The following PRKN variants were observed in gnomAD, a reference collection of about 807,000 sequenced individuals.
PRKN encodes the protein E3 ubiquitin-protein ligase parkin.
In PRKN, 56 loss-of-function variants were observed where a neutral mutation model predicts 59.5. That is an observed-to-expected ratio of 0.94 (90% CI 0.76 to 1.18). PRKN has a LOEUF of 1.18. Ranked by LOEUF, PRKN falls within the 50% of genes most tolerant of loss-of-function variation. The probability of loss-of-function intolerance (pLI) is 0.00; values close to 1 mark genes in which losing one functional copy is unlikely to be tolerated. For missense variants in PRKN, 657 were observed against 596.4 expected, an observed-to-expected ratio of 1.10 and a Z score of -1.06; for synonymous variants, 250 against 222.1, an observed-to-expected ratio of 1.13 and a Z score of -1.12.
Position 161,564,273 on chromosome 6 carries a change from G to C in PRKN, c.933+5082C>G, listed in dbSNP as rs117066236. Among the ~76,000 whole-genome samples, 763 of 152,128 alleles carry C rather than the reference G, an allele frequency of 5.0e-3. 2 individuals carry two copies. Among genetic ancestry groups the C allele is most frequent in the Non-Finnish European group, 6.4e-3 (432 of 68,002 alleles). On this transcript the variant is annotated intron_variant, in intron 8 of 11. Coordinates refer to ENST00000366898, the MANE Select transcript of PRKN (RefSeq NM_004562.3). ...TGTCATGAATAATCAGGATATAAAC[G>C]TCCCTGACTGATATGCCCTGTTCAC... is the stretch of plus-strand genomic sequence containing the variant.
At chr6:162,110,937 C>T (rs1475469418) in intron 4 of PRKN, among the ~76,000 whole-genome samples, 7 of 152,120 alleles carry the variant, frequency 4.6e-5, no homozygotes, top group Admixed American at 2.0e-4. Flanking sequence ...ACTGGCCTGA[C>T]GTCTTTAAGT....
intron 7 of PRKN, among the ~76,000 whole-genome samples, chr6:161,720,757 T>C (rs111785159): frequency 7.4e-6 from 1 of 136,004 alleles, no homozygotes; most frequent in Non-Finnish European, 1.6e-5. Flanking sequence ...CATAGGTACT[T>C]TTAAAACTAT....
At chr6:161,734,727 T>C (rs1046625491) in intron 7 of PRKN, among the ~76,000 whole-genome samples, 5 of 152,174 alleles carry the variant, frequency 3.3e-5, no homozygotes, top group African/African-American at 1.2e-4. Flanking sequence ...TTCCAGTGAA[T>C]TGAATAAATC....
intron 9 of PRKN, among the ~76,000 whole-genome samples, chr6:161,520,391 A>AT (rs1020103923): frequency 2.0e-5 from 3 of 151,628 alleles, no homozygotes; most frequent in Non-Finnish European, 2.9e-5. Flanking sequence ...GGCCCGGCTA[A>AT]TTTTTTTTGT....
At chr6:161,731,510 A>G (rs527418914) in intron 7 of PRKN, among the ~76,000 whole-genome samples, 1 of 152,380 alleles carries the variant, frequency 6.6e-6, no homozygotes, top group East Asian at 1.9e-4. Context: ...ATTTAAAAGT[A>G]AAAGTATGTA....
intron 6 of PRKN, among the ~76,000 whole-genome samples, chr6:161,913,724 G>A (rs1411993816): frequency 6.6e-6 from 1 of 152,138 alleles, no homozygotes; most frequent in Non-Finnish European, 1.5e-5. Context: ...AACTGTTATG[G>A]ACTGAATGCT....
At chr6:162,245,238 G>A (rs1415699476) in intron 3 of PRKN, among the ~76,000 whole-genome samples, 1 of 151,962 alleles carries the variant, frequency 6.6e-6, no homozygotes, top group Non-Finnish European at 1.5e-5. Flanking sequence ...TTTTCCAGTG[G>A]AAATACAAAG....
At chr6:162,399,059 A>AG (rs1787629395) in intron 2 of PRKN, among the ~76,000 whole-genome samples, 1 of 152,190 alleles carries the variant, frequency 6.6e-6, no homozygotes, top group African/African-American at 2.4e-5. Context: ...TCTCCTAGGG[A>AG]AACTTCCATC....
intron 5 of PRKN, among the ~76,000 whole-genome samples, chr6:162,002,753 T>C (rs1782106552): frequency 6.6e-6 from 1 of 152,166 alleles, no homozygotes; most frequent in Non-Finnish European, 1.5e-5. Flanking sequence ...TTTTCTCTTC[T>C]AATATATTCA....
chr6:161,463,084 G>A lies in PRKN; in HGVS notation c.1084-76207C>T, dbSNP rs1790293868. On this transcript the variant is annotated intron_variant, in intron 9 of 11. Coordinates refer to ENST00000366898, the MANE Select transcript of PRKN (RefSeq NM_004562.3). This position sits in a 1 kb window ranked among gnomAD's most constrained non-coding sequence, Gnocchi z 4.8. ...AAAAACTACCTAATGAGAATTATGGGTGACTGAGCACCAAGGGGTTCCAAG... is the reference window on the plus strand; with the variant it reads ...AAAAACTACCTAATGAGAATTATGGATGACTGAGCACCAAGGGGTTCCAAG... Among the ~76,000 whole-genome samples, 1 of 152,194 alleles carries A rather than the reference G, an allele frequency of 6.6e-6. No individual in the cohort carries two copies. Among genetic ancestry groups the A allele is most frequent in the African/African-American group, 2.4e-5 (1 of 41,438 alleles).
At chr6:162,357,364 A>G (rs890230613) in intron 2 of PRKN, among the ~76,000 whole-genome samples, 2 of 152,206 alleles carry the variant, frequency 1.3e-5, no homozygotes, top group East Asian at 1.9e-4. Flanking sequence ...AAATAAATAC[A>G]GCTGGCAAGT....
In PRKN at chr6:161,517,739, CAAAAAAA is replaced by C. The variant is rs3032892; in HGVS notation, c.1083+31108_1083+31114del. Among the ~76,000 whole-genome samples, 21 of 48,390 alleles carry C rather than the reference CAAAAAAA, an allele frequency of 4.3e-4. No homozygotes were observed. The East Asian group carries it at 6.5e-3, about 15-fold the overall frequency. The allele number at this position is 48,390 out of a possible 152,430, so 31.7% of individuals were successfully genotyped here. A position where few individuals can be genotyped will look rare whatever the true frequency, so the allele number is the denominator to read the frequency against. On this transcript the variant is annotated intron_variant, in intron 9 of 11. Coordinates refer to ENST00000366898, the MANE Select transcript of PRKN (RefSeq NM_004562.3). ...TGGGTGACAGAGTGAGACTCTATCT[CAAAAAAA>C]AAAAAAAAAAAAAAAAAAAGAGTTG...
In PRKN at chr6:161,957,807, G is replaced by A. The variant is rs1242314313; in HGVS notation, c.734+15495C>T. ...CGCTAGACACCACTCCAGACCACCA[G>A]CAAAGAAAGCAGAGGGCTTGCGCTC... On this transcript the variant is annotated intron_variant, in intron 6 of 11. Coordinates refer to ENST00000366898, the MANE Select transcript of PRKN (RefSeq NM_004562.3). Among the ~76,000 whole-genome samples, 4 of 152,200 alleles carry A rather than the reference G, an allele frequency of 2.6e-5. No individual in the cohort carries two copies. The East Asian group carries it at 7.7e-4, about 29-fold the overall frequency.
intron 1 of PRKN, among the ~76,000 whole-genome samples, chr6:162,531,611 C>A (rs1002866956): frequency 7.2e-5 from 11 of 151,824 alleles, no homozygotes; most frequent in African/African-American, 1.7e-4. Flanking sequence ...TGGGTGGGGC[C>A]AGCTGATCCA....
At chr6:161,495,392 G>A (rs1354866271) in intron 9 of PRKN, among the ~76,000 whole-genome samples, 6 of 152,130 alleles carry the variant, frequency 3.9e-5, no homozygotes, top group Admixed American at 6.5e-5. Context: ...TTCTCCTCCC[G>A]TCTGCAGTAT....
chr6:161,925,567 T>A (rs1778940035), intron 6 of PRKN, among the ~76,000 whole-genome samples: 1 of 151,972 alleles, frequency 6.6e-6, no homozygotes, highest in African/African-American at 2.4e-5. Flanking sequence ...TGAGACTCCA[T>A]CTCAAAAGAA....
chr6:161,703,839 CTTTTTTTTTTTTTTTTTTTTTTTTTT>C (rs71004062), intron 7 of PRKN, among the ~76,000 whole-genome samples: 1 of 59,842 alleles, frequency 1.7e-5, no homozygotes, highest in South Asian at 7.2e-4. Flanking sequence ...CTCTCTCTCT[CTTTTTTTTTTTTTTTTTTTTTTTTTT>C]TTTTTTTTTT....
chr6:161,953,843 TCCTACTTATAATCAG>T (rs907273460), intron 6 of PRKN, among the ~76,000 whole-genome samples: 3 of 152,174 alleles, frequency 2.0e-5, no homozygotes, highest in African/African-American at 7.2e-5. Context: ...ATAAGCCCTT[TCCTACTTATAATCAG>T]TGGTACTGAG....
chr6:162,543,679 A>G (rs551071289), intron 1 of PRKN, among the ~76,000 whole-genome samples: 1 of 152,302 alleles, frequency 6.6e-6, no homozygotes, highest in East Asian at 1.9e-4. Context: ...TAAGTAACTC[A>G]GCCTAAGACC....
Sources: allele counts gnomAD v4.1 joint callset (sites outside exome capture counted in the v4.1 genomes callset), GRCh38; gene constraint gnomAD v4.1.1; non-coding constraint Gnocchi (gnomAD v3.1); transcripts MANE v1.5; gene names NCBI Gene and HGNC (gene_info 2026-07-23, HGNC 2026-07-21).